Variants in TG observed in about 807,000 individuals in gnomAD.
The protein encoded by TG is thyroid hormones.
In TG, 270 loss-of-function variants were observed where a neutral mutation model predicts 324.7. That is an observed-to-expected ratio of 0.83 (90% CI 0.75 to 0.92). TG has a LOEUF of 0.92. TG is among the 40% of genes least tolerant of loss of function. TG has a pLI of 0.00. For synonymous variants in TG, 1,401 were observed against 1,327.0 expected, an observed-to-expected ratio of 1.06 and a Z score of -1.21; for missense variants, 3,591 against 3,456.4, an observed-to-expected ratio of 1.04 and a Z score of -0.98.
intron 27 of TG, among the ~76,000 whole-genome samples, chr8:132,949,170 G>C (rs968670723): frequency 6.6e-6 from 1 of 152,232 alleles, no homozygotes; most frequent in African/African-American, 2.4e-5. Context: ...CTGTGGGCAG[G>C]ATGGCCCAGC....
intron 45 of TG, among the ~76,000 whole-genome samples, chr8:133,123,381 G>T (rs1009579289): frequency 1.8e-4 from 28 of 152,070 alleles, no homozygotes; most frequent in African/African-American, 6.5e-4. Context: ...AGGCCTTCAG[G>T]TTCACATGCA....
At chr8:133,121,056 T>A (rs1008106565) in intron 45 of TG, among the ~76,000 whole-genome samples, 1 of 152,148 alleles carries the variant, frequency 6.6e-6, no homozygotes, top group African/African-American at 2.4e-5. Flanking sequence ...AACCAAGCCA[T>A]GTTCATGCAG....
intron 41 of TG, among the ~76,000 whole-genome samples, chr8:133,088,115 A>G (rs887207385): frequency 7.9e-5 from 12 of 152,252 alleles, no homozygotes; most frequent in African/African-American, 2.9e-4. Context: ...AGCAGAATGC[A>G]GCACGGTTGT....
chr8:132,920,844 T>G (rs969049341), intron 21 of TG, among the ~76,000 whole-genome samples: 4 of 152,244 alleles, frequency 2.6e-5, no homozygotes, highest in African/African-American at 9.6e-5. Context: ...GAGCCAATGA[T>G]AACTCACTCA....
chr8:132,894,152 G>A (rs759073349), intron 11 of TG, among the ~76,000 whole-genome samples: 1 of 152,058 alleles, frequency 6.6e-6, no homozygotes, highest in Non-Finnish European at 1.5e-5. Context: ...CTACCCTAGG[G>A]CAGGTTTCAG....
chr8:132,879,500 A>G (rs2132106407), intron 5 of TG, among the ~76,000 whole-genome samples: 1 of 152,386 alleles, frequency 6.6e-6, no homozygotes, highest in Non-Finnish European at 1.5e-5. Flanking sequence ...CTGATTGTTC[A>G]TACATATCAC....
chr8:132,894,482 G>C (rs1466053970), intron 11 of TG, among the ~76,000 whole-genome samples: 1 of 147,316 alleles, frequency 6.8e-6, no homozygotes, highest in Non-Finnish European at 1.5e-5. Flanking sequence ...TTTTTGAGAC[G>C]GAGTCTTGCT....
chr8:132,996,563 G>C lies in TG; in HGVS notation c.6262+13151G>C, dbSNP rs529164895. Among the ~76,000 whole-genome samples, 248 of 152,152 alleles carry C rather than the reference G, an allele frequency of 1.6e-3. 3 individuals are homozygous for C. Among genetic ancestry groups the C allele is most frequent in the African/African-American group, 5.7e-3 (238 of 41,506 alleles). On this transcript the variant is annotated intron_variant, in intron 35 of 47. Coordinates refer to ENST00000220616, the MANE Select transcript of TG (RefSeq NM_003235.5). ...CAATTTTTTTTTGCTTGCTATTATA[G>C]GTCTTGGAGAATCAGTGAAACTAAA...
At chr8:132,964,822 T>G in intron 29 of TG, 1 of 691,700 alleles carries the variant, frequency 1.4e-6, no homozygotes, top group Non-Finnish European at 2.6e-6. Flanking sequence ...AGGGATGCAA[T>G]GTGGACAGGT....
intron 35 of TG, among the ~76,000 whole-genome samples, chr8:133,003,883 CT>C (rs1833789359): frequency 6.6e-6 from 1 of 152,344 alleles, no homozygotes; most frequent in Non-Finnish European, 1.5e-5. Flanking sequence ...TGCTGCCTGC[CT>C]TTCAGCTGTT....
At chr8:133,090,049 A>G (rs892784455) in intron 41 of TG, 6 of 152,194 alleles carry the variant, frequency 3.9e-5, no homozygotes, top group African/African-American at 1.4e-4. Context: ...TGGATATAGT[A>G]CACATTTTTA....
At chr8:132,941,129 C>T (rs894257366) in intron 25 of TG, among the ~76,000 whole-genome samples, 1 of 152,190 alleles carries the variant, frequency 6.6e-6, no homozygotes, top group Non-Finnish European at 1.5e-5. Flanking sequence ...GCATTTGTCC[C>T]GATCTCCTGG....
chr8:132,943,958 A>C (rs1459373570), intron 26 of TG, among the ~76,000 whole-genome samples: 1 of 151,954 alleles, frequency 6.6e-6, no homozygotes, highest in Non-Finnish European at 1.5e-5. Flanking sequence ...TCCCACCTCC[A>C]CCTCTTGTGG....
intron 34 of TG, among the ~76,000 whole-genome samples, chr8:132,981,495 GA>G (rs1160779440): frequency 1.3e-5 from 2 of 152,186 alleles, no homozygotes; most frequent in Admixed American, 6.5e-5. Context: ...GGGAAGAACA[GA>G]CATTTTAAAC....
chr8:133,019,537 T>G, intron 38 of TG, 65 bp from the exon 39 acceptor site: 1 of 1,394,192 alleles, frequency 7.2e-7, no homozygotes, highest in East Asian at 2.3e-5. Flanking sequence ...GCTCTGACCA[T>G]GGTGGTGGGT....
chr8:133,005,468 AG>A (rs752527982), intron 35 of TG, among the ~76,000 whole-genome samples: 6 of 152,204 alleles, frequency 3.9e-5, no homozygotes, highest in Non-Finnish European at 8.8e-5. Context: ...TCAGGAACCA[AG>A]TAGCTTGACC....
At chr8:133,032,893 T>C (rs527287252) in intron 41 of TG, among the ~76,000 whole-genome samples, 3 of 152,314 alleles carry the variant, frequency 2.0e-5, no homozygotes, top group South Asian at 4.1e-4. Flanking sequence ...GGGGACTTTA[T>C]TTTATTTTTC....
intron 41 of TG, among the ~76,000 whole-genome samples, chr8:133,073,501 A>G (rs1844387757): frequency 6.6e-6 from 1 of 152,144 alleles, no homozygotes; most frequent in South Asian, 2.1e-4. Flanking sequence ...AGCTGGGATT[A>G]CAGGCACCCG....
chr8:133,085,315 C>T (rs1260125945), intron 41 of TG, among the ~76,000 whole-genome samples: 1 of 152,140 alleles, frequency 6.6e-6, no homozygotes, highest in Non-Finnish European at 1.5e-5. Flanking sequence ...TTAGATAAGA[C>T]ACCAAACCTC....
Sources: allele counts gnomAD v4.1 joint callset (sites outside exome capture counted in the v4.1 genomes callset), GRCh38; gene constraint gnomAD v4.1.1; transcripts MANE v1.5; gene names NCBI Gene and HGNC (gene_info 2026-07-23, HGNC 2026-07-21).